The following GNE variants were observed in gnomAD, a reference collection of about 807,000 sequenced individuals.
The protein encoded by GNE is bifunctional UDP-N-acetylglucosamine 2-epimerase/N-acetylmannosamine kinase.
A neutral mutation model predicts 61.8 loss-of-function variants in GNE; 41 were observed. The observed-to-expected ratio is 0.66, with a 90% CI of 0.52 to 0.86. The LOEUF (loss-of-function observed/expected upper bound fraction) is 0.86, where lower values mean the gene tolerates loss of function less well. Among genes scored for constraint, GNE ranks in the 40% least tolerant of loss-of-function variants. The probability of loss-of-function intolerance (pLI) is 0.00; values close to 1 mark genes in which losing one functional copy is unlikely to be tolerated. For synonymous variants in GNE, 264 were observed against 326.4 expected (o/e 0.81, Z 2.06); for missense variants, 608 against 909.1 (o/e 0.67, Z 4.26).
chr9:36,223,555 TTG>T lies in GNE; in HGVS notation c.1282-55_1282-54del, dbSNP rs1828707622. Reference sequence around the variant, plus strand: ...TTACTGGTCTTAGCTAAGCAGCATATTGTGAGTGTTGTGATCTTTTTCATGAC... The same window carrying T: ...TTACTGGTCTTAGCTAAGCAGCATATTGAGTGTTGTGATCTTTTTCATGAC... On this transcript the variant is annotated intron_variant, in intron 7 of 11. Transcript: ENST00000642385. The T allele has an allele frequency of 2.4e-5, 37 of 1,543,962 alleles. 1 individual carries two copies. In the South Asian group the frequency reaches 3.8e-4, roughly 16 times the overall value.
upstream of GNE, among the ~76,000 whole-genome samples, chr9:36,262,123 C>T (rs10114702): frequency 0.46 from 69,585 of 151,616 alleles, 16,188 homozygotes; most frequent in Middle Eastern, 0.5. Context: ...AAATTATATA[C>T]GTAATATATA....
At chr9:36,250,960 C>A (rs1015733566) in intron 1 of GNE, among the ~76,000 whole-genome samples, 1 of 152,162 alleles carries the variant, frequency 6.6e-6, no homozygotes, top group African/African-American at 2.4e-5. Context: ...GGATTACAGG[C>A]AAGAGCCATT....
At chr9:36,224,044 C>T (rs1347513812) in intron 7 of GNE, among the ~76,000 whole-genome samples, 1 of 151,878 alleles carries the variant, frequency 6.6e-6, no homozygotes, top group Non-Finnish European at 1.5e-5. Flanking sequence ...GAGCCACTGC[C>T]CCCGGCCGGG....
chr9:36,264,478 A>C (rs1211302063), intron 1 of GNE, among the ~76,000 whole-genome samples: 1 of 152,112 alleles, frequency 6.6e-6, no homozygotes, highest in Admixed American at 6.6e-5. Context: ...TTGCATTCAG[A>C]AGATACTAAC....
At chr9:36,269,417 C>A (rs1830935918) in intron 1 of GNE, among the ~76,000 whole-genome samples, 1 of 151,390 alleles carries the variant, frequency 6.6e-6, no homozygotes, top group African/African-American at 2.4e-5. Flanking sequence ...GGCCTTTCTT[C>A]CCAGCTTGAG....
intron 1 of GNE, among the ~76,000 whole-genome samples, chr9:36,250,926 C>G (rs1211040576): frequency 6.6e-6 from 1 of 152,136 alleles, no homozygotes; most frequent in African/African-American, 2.4e-5. Context: ...AGTGATCCAC[C>G]CACCTCGGCC....
intron 9 of GNE, among the ~76,000 whole-genome samples, chr9:36,221,469 C>T (rs1014487362): frequency 2.0e-5 from 3 of 152,030 alleles, no homozygotes; most frequent in Non-Finnish European, 4.4e-5. Flanking sequence ...TCAAGTTATA[C>T]ACTTAAAATA....
intron 1 of GNE, among the ~76,000 whole-genome samples, chr9:36,271,607 C>T (rs1831030705): frequency 6.6e-6 from 1 of 152,158 alleles, no homozygotes; most frequent in Non-Finnish European, 1.5e-5. Flanking sequence ...CTCCTGACCT[C>T]AGGTGATCTG....
chr9:36,267,700 AC>A (rs1830859136), intron 1 of GNE: 5 of 144,424 alleles, frequency 3.5e-5, no homozygotes, highest in African/African-American at 1.5e-4. Context: ...TCTCAAACAA[AC>A]AAACAAACAA....
intron 7 of GNE, among the ~76,000 whole-genome samples, chr9:36,224,009 C>T (rs1587287510): frequency 6.6e-6 from 1 of 152,036 alleles, no homozygotes; most frequent in African/African-American, 2.4e-5. Flanking sequence ...GCCTCGGCCT[C>T]CCAAAGTGCT....
intron 1 of GNE, among the ~76,000 whole-genome samples, chr9:36,270,543 A>G (rs1587388403): frequency 1.5e-5 from 2 of 133,446 alleles, no homozygotes; most frequent in African/African-American, 2.9e-5. Context: ...TTTGAGACGG[A>G]GTCTCGCTCT....
Position 36,216,921 on chromosome 9 carries a change from C to T in GNE, c.*444G>A, listed in dbSNP as rs1828336862. On this transcript the variant is annotated 3_prime_UTR_variant, in exon 12 of 12. Transcript: ENST00000642385. ...TCTCCTGACCTCGTGATCCGCCCGC[C>T]TCGGCCTCCCAAAGTGCTGGGATTA... 1 of 219,098 alleles carries T rather than the reference C, an allele frequency of 4.6e-6. No individual in the cohort carries two copies. Among genetic ancestry groups the T allele is most frequent in the East Asian group, 1.2e-4 (1 of 8,576 alleles). The allele number at this position is 219,098 out of a possible 1,614,324, so 13.6% of individuals were successfully genotyped here.
intron 3 of GNE, among the ~76,000 whole-genome samples, chr9:36,238,145 C>CACACACAT (rs1554661823): frequency 1.3e-5 from 2 of 149,258 alleles, no homozygotes; most frequent in Non-Finnish European, 3.0e-5. Context: ...CACACACACA[C>CACACACAT]ATATATATAC....
At chr9:36,276,969 A>G (rs747262962) in exon 1 of GNE, 63 of 1,612,918 alleles carry the variant, frequency 3.9e-5, no homozygotes, top group Non-Finnish European at 5.2e-5. Context: ...TCTGTACCCT[A>G]GTGTGGTTTG....
At chr9:36,255,324 C>T (rs553396949) in intron 1 of GNE, among the ~76,000 whole-genome samples, 10 of 152,232 alleles carry the variant, frequency 6.6e-5, no homozygotes, top group African/African-American at 2.4e-4. Context: ...TCTCCTGCCT[C>T]AGCCTCCCAA....
chr9:36,263,773 G>T (rs915835326), intron 1 of GNE, among the ~76,000 whole-genome samples: 6 of 152,212 alleles, frequency 3.9e-5, no homozygotes, highest in Non-Finnish European at 7.4e-5. Context: ...GTCACTAAAT[G>T]AAAGAGAGAA....
chr9:36,224,010 C>T (rs575559504), intron 7 of GNE, among the ~76,000 whole-genome samples: 4 of 152,140 alleles, frequency 2.6e-5, no homozygotes, highest in African/African-American at 9.6e-5. Flanking sequence ...CCTCGGCCTC[C>T]CAAAGTGCTG....
rs776582567 is a variant in GNE at position 36,217,464 on chromosome 9, G to A, written c.2070C>T (p.Ser690=). Reference sequence around the variant, plus strand: ...AAACCACCACATCCACGTCCTGCACGGAGGACAAGGCCTGCTGGCGAATGA... The same window carrying A: ...AAACCACCACATCCACGTCCTGCACAGAGGACAAGGCCTGCTGGCGAATGA... ...KDVIRQQALS[S]VQDVDVVVSD... is the part of the protein sequence containing the mutation. The change falls in exon 12 of 12, where the codon TCC becomes TCT. Residue 690 remains serine, a synonymous_variant. Transcript: ENST00000642385. The A allele has an allele frequency of 3.5e-5, 57 of 1,614,148 alleles. 1 individual carries two copies. In the South Asian group the frequency reaches 5.3e-4, roughly 15 times the overall value.
intron 3 of GNE, among the ~76,000 whole-genome samples, chr9:36,238,123 T>C (rs200256924): frequency 7.8e-6 from 1 of 128,986 alleles, no homozygotes; most frequent in Non-Finnish European, 1.8e-5. Flanking sequence ...TATATATAGA[T>C]ACACACACAC....
Sources: allele counts gnomAD v4.1 joint callset (sites outside exome capture counted in the v4.1 genomes callset), GRCh38; gene constraint gnomAD v4.1.1; transcripts MANE v1.5; gene names NCBI Gene and HGNC (gene_info 2026-07-23, HGNC 2026-07-21).